The following BCAN variants were observed in gnomAD, a reference collection of about 807,000 sequenced individuals.
BCAN encodes the protein brevican core protein.
BCAN carries 51 observed loss-of-function variants against 92.4 expected under a neutral mutation model. That is an observed-to-expected ratio of 0.55 (90% confidence interval 0.44 to 0.70). The LOEUF is 0.70. Among genes scored for constraint, BCAN ranks in the 30% least tolerant of loss-of-function variants. The pLI is 0.00. For missense variants in BCAN, 1,140 were observed against 1,212.1 expected, an observed-to-expected ratio of 0.94 and a Z score of 0.88; for synonymous variants, 501 against 505.2, an observed-to-expected ratio of 0.99 and a Z score of 0.11.
In BCAN at chr1:156,648,761, C is replaced by T. The variant is rs1309575916; in HGVS notation, c.963C>T (p.Arg321=). ...VRYPIVTPSQ[R]CGGGLPGVKT... is the part of the protein sequence containing the mutation. ...ACCCCATCGTCACACCCAGCCAGCG[C>T]TGTGGTGGGGGCTTGCCTGGTGTCA... Residue 321 remains arginine, a synonymous_variant, in exon 6 of 14, where the codon CGC becomes CGT. Coordinates refer to ENST00000329117, the MANE Select transcript of BCAN (RefSeq NM_021948.5). 4.3e-6 allele frequency: 7 copies of T among 1,611,718 alleles called. No homozygotes were observed. The East Asian group carries it at 1.6e-4, about 36-fold the overall frequency.
intron 1 of BCAN, among the ~76,000 whole-genome samples, chr1:156,645,183 A>T (rs1217810071): frequency 6.6e-6 from 1 of 151,682 alleles, no homozygotes; most frequent in Non-Finnish European, 1.5e-5. Flanking sequence ...CCCCCCCCTT[A>T]GTCCACCCTC....
At position 156,646,106 on chromosome 1, in the gene BCAN, C is replaced by T. The variant is rs749562038; in HGVS notation, c.52C>T (p.Pro18Ser). Residue 18 changes from proline to serine, a missense_variant, in exon 2 of 14, where the codon CCT (proline) becomes TCT (serine). Around this residue, in one of 3 missense-constraint regions of BCAN, gnomAD observed 286 missense variants for 284.1 expected, o/e 1.01. Coordinates refer to ENST00000329117, the MANE Select transcript of BCAN (RefSeq NM_021948.5). Reference sequence around the variant, plus strand: ...GGCAGCCCTGGTCCTGGCCCAGGCTCCTGCAGCTTTAGCAGATGTTCTGGA... The same window carrying T: ...GGCAGCCCTGGTCCTGGCCCAGGCTTCTGCAGCTTTAGCAGATGTTCTGGA... ...LLAALVLAQAPAALADVLEGD... is the reference protein window; with the variant it reads ...LLAALVLAQASAALADVLEGD... 1.2e-6 allele frequency: 2 copies of T among 1,613,922 alleles called. No individual in the cohort carries two copies. Among genetic ancestry groups the T allele is most frequent in the Non-Finnish European group, 1.7e-6 (2 of 1,179,838 alleles).
chr1:156,658,190 G>C lies in BCAN; in HGVS notation c.2356G>C (p.Val786Leu). 1 of 1,614,054 alleles carries C rather than the reference G, an allele frequency of 6.2e-7. No individual in the cohort carries two copies. The highest frequency in any genetic ancestry group is 2.2e-5 in the East Asian group (1 of 44,870). ...SYFLSGENCV[V>L]MVWHDQGQWS... ...CTTCCTGTCTGGAGAGAACTGCGTG[G>C]TCATGGTGTGGCATGATCAGGGACA... Residue 786 changes from valine (V) to leucine (L), a missense_variant, in exon 12 of 14, where the codon GTC becomes CTC. Physicochemically the swap from Val to Leu is conservative, Grantham distance 32. Around this residue, in one of 3 missense-constraint regions of BCAN, gnomAD observed 825 missense variants for 871.8 expected, o/e 0.95. Coordinates refer to ENST00000329117, the MANE Select transcript of BCAN (RefSeq NM_021948.5). The surrounding 1 kb of genome is among the most constrained non-coding windows in gnomAD (Gnocchi z 4.4).
At position 156,646,050 on chromosome 1, in the gene BCAN, G is replaced by C; in HGVS notation, c.-5G>C. On this transcript the variant is annotated 5_prime_UTR_variant, in exon 2 of 14. Coordinates refer to ENST00000329117, the MANE Select transcript of BCAN (RefSeq NM_021948.5). ...CCTTCTCATGTCCCTCTGTCAGCCT[G>C]CAGCATGGCCCAGCTGTTCCTGCCC... 1.2e-6 allele frequency: 2 copies of C among 1,610,682 alleles called. No homozygotes were observed. Among genetic ancestry groups the C allele is most frequent in the Non-Finnish European group, 1.7e-6 (2 of 1,177,304 alleles).
rs746779497 is a variant in BCAN at position 156,647,707 on chromosome 1, CTTCT to C, written c.641+26_641+29del. The stretch of plus-strand genomic sequence containing the variant: ...GGTGGGCAGGGGCTGTGGATTGGGG[CTTCT>C]ATTGGCCCCTGAGGTGGCCATGGCC... On this transcript the variant is annotated intron_variant, in intron 4 of 13. Coordinates refer to ENST00000329117, the MANE Select transcript of BCAN (RefSeq NM_021948.5). This position sits in a 1 kb window ranked among gnomAD's most constrained non-coding sequence, Gnocchi z 4.8. 8.3e-6 allele frequency: 13 copies of C among 1,564,540 alleles called. No homozygotes were observed.
intron 10 of BCAN, 49 bp downstream of exon 10, chr1:156,657,145 C>G (rs1418745638): frequency 3.8e-6 from 6 of 1,591,472 alleles, no homozygotes; most frequent in East Asian, 4.5e-5. Context: ...TGCTCTCACT[C>G]TCTCTCACTC....
Position 156,647,667 on chromosome 1 carries a change from C to T in BCAN, c.626C>T (p.Ser209Leu), listed in dbSNP as rs377328649. 7 of 1,593,702 alleles carry T rather than the reference C, an allele frequency of 4.4e-6. No individual in the cohort carries two copies. The highest frequency in any genetic ancestry group is 1.7e-4 in the Middle Eastern group (1 of 5,966). The change falls in exon 4 of 14, where the codon TCG becomes TTG. Residue 209 changes from serine to leucine, a missense_variant. Physicochemically the swap from Ser to Leu is moderately radical, Grantham distance 145 (BLOSUM62 -2). Around this residue, in one of 3 missense-constraint regions of BCAN, gnomAD observed 29 missense variants for 56.2 expected, o/e 0.52. Transcript: ENST00000329117. This position sits in a 1 kb window ranked among gnomAD's most constrained non-coding sequence, Gnocchi z 4.8. ...GYEQCDAGWLSDQTVRYPIQT... is the reference protein window; with the variant it reads ...GYEQCDAGWLLDQTVRYPIQT... ...GAGCAATGTGATGCTGGCTGGCTGT[C>T]GGATCAGACCGTGAGGTGGGCAGGG...
rs746606462 is a variant in BCAN at position 156,652,819 on chromosome 1, C to G, written c.1869C>G (p.Thr623=). 6.2e-7 allele frequency: 1 copy of G among 1,613,872 alleles called. No individual in the cohort carries two copies. The highest frequency in any genetic ancestry group is 8.5e-7 in the Non-Finnish European group (1 of 1,179,934). Reference sequence around the variant, plus strand: ...CTGGAAGAACTGCCCCAGCAGGGACCTCAGTGCAGGCCCAGCCAGTGCTGC... The same window carrying G: ...CTGGAAGAACTGCCCCAGCAGGGACGTCAGTGCAGGCCCAGCCAGTGCTGC... ...DNSGRTAPAG[T]SVQAQPVLPT... is the part of the protein sequence containing the mutation. Residue 623 remains threonine, a synonymous_variant, in exon 8 of 14, where the codon ACC becomes ACG. Coordinates refer to ENST00000329117, the MANE Select transcript of BCAN (RefSeq NM_021948.5).
chr1:156,655,865 C>G (rs1679305966), intron 8 of BCAN, among the ~76,000 whole-genome samples: 1 of 152,228 alleles, frequency 6.6e-6, no homozygotes, highest in South Asian at 2.1e-4. Context: ...GGGGGTGTGG[C>G]ACTAAACTCC....
chr1:156,656,318 C>T lies in BCAN; in HGVS notation c.1979C>T (p.Thr660Ile). 1 of 1,447,570 alleles carries T rather than the reference C, an allele frequency of 6.9e-7. No homozygotes were observed. Among genetic ancestry groups the T allele is most frequent in the Non-Finnish European group, 9.0e-7 (1 of 1,107,068 alleles). The allele number at this position is 1,447,570 out of a possible 1,614,324, so 89.7% of individuals were successfully genotyped here. ...CCCAGCCCCTGCCACAATGGTGGGA[C>T]ATGCTTGGAGGAGGAGGAAGGGGTC... ...CVPSPCHNGG[T>I]CLEEEEGVRC... The change falls in exon 9 of 14, where the codon ACA becomes ATA. Residue 660 changes from threonine to isoleucine, a missense_variant. This residue lies in a region of BCAN where 825 missense variants were observed against 871.8 expected (regional missense o/e 0.95). Coordinates refer to ENST00000329117, the MANE Select transcript of BCAN (RefSeq NM_021948.5).
Position 156,658,443 on chromosome 1 carries a change from T to G in BCAN, c.2438-100T>G. ...TGGGTCCACTCGGAATCCCTGATCT[T>G]TTTTTGTCATGTTGTGGCCCATTTT... On this transcript the variant is annotated intron_variant, in intron 12 of 13. Transcript: ENST00000329117. The surrounding 1 kb of genome is among the most constrained non-coding windows in gnomAD (Gnocchi z 4.4). 1 of 1,492,114 alleles carries G rather than the reference T, an allele frequency of 6.7e-7. No individual in the cohort carries two copies. Among genetic ancestry groups the G allele is most frequent in the Non-Finnish European group, 9.0e-7 (1 of 1,109,536 alleles). 92.4% of individuals were successfully genotyped at this position (1,492,114 alleles called of 1,614,324 possible).
At chr1:156,649,002 A>G in intron 6 of BCAN, 141 bp downstream of exon 6, 2 of 1,041,774 alleles carry the variant, frequency 1.9e-6, no homozygotes, top group Admixed American at 2.8e-5. Flanking sequence ...CCAGCTTGTC[A>G]TCTAGGGTTC....
chr1:156,650,698 C>G (rs147683168), intron 6 of BCAN, among the ~76,000 whole-genome samples: 6,636 of 152,216 alleles, frequency 0.044, 513 homozygotes, highest in African/African-American at 0.15. Context: ...TGCCTGTAAT[C>G]CCAGCACTTT....
At chr1:156,655,277 A>T (rs1374538699) in intron 8 of BCAN, among the ~76,000 whole-genome samples, 1 of 152,232 alleles carries the variant, frequency 6.6e-6, no homozygotes, top group Non-Finnish European at 1.5e-5. Flanking sequence ...GGATACAGAG[A>T]GAAAAAGTCC....
intron 6 of BCAN, among the ~76,000 whole-genome samples, chr1:156,649,420 T>G (rs1679089602): frequency 6.6e-6 from 1 of 152,254 alleles, no homozygotes; most frequent in Admixed American, 6.5e-5. Context: ...TTTCTTTTTT[T>G]GAGACAGGGT....
Position 156,658,488 on chromosome 1 carries a change from C to A in BCAN, c.2438-55C>A. ...CATTTTTCTCTTCCCCATGGAGATT[C>A]TGGGAACTGTCACCCACAGAGCCAG... On this transcript the variant is annotated intron_variant, in intron 12 of 13. Transcript: ENST00000329117. The surrounding 1 kb of genome is among the most constrained non-coding windows in gnomAD (Gnocchi z 4.4). 6.4e-7 allele frequency: 1 copy of A among 1,572,086 alleles called. No individual in the cohort carries two copies.
intron 2 of BCAN, chr1:156,646,552 G>T (rs1485659816): frequency 1.6e-6 from 1 of 607,596 alleles, no homozygotes. Flanking sequence ...TGAGAGCAGG[G>T]CAAGGAATCC....
chr1:156,657,822 A>T (rs1265784117), intron 11 of BCAN, 65 bp downstream of exon 11: 1 of 1,296,108 alleles, frequency 7.7e-7, no homozygotes, highest in African/African-American at 1.6e-5. Flanking sequence ...GTTCCCTACC[A>T]CCCCCACCCC....
chr1:156,646,844 G>A lies in BCAN; in HGVS notation c.135G>A (p.Leu45=), dbSNP rs140360497. ...TGCGCATCGCGGGCGACGCGCCACT[G>A]CAGGGCGTGCTCGGCGGCGCCCTCA... is the stretch of plus-strand genomic sequence containing the variant. ...FRVRIAGDAP[L]QGVLGGALTI... is the part of the protein sequence containing the mutation. The change falls in exon 3 of 14, where the codon CTG becomes CTA. Residue 45 remains leucine, a synonymous_variant. Coordinates refer to ENST00000329117, the MANE Select transcript of BCAN (RefSeq NM_021948.5). The A allele has an allele frequency of 2.6e-4, 412 of 1,602,036 alleles. 3 individuals carry two copies. Among genetic ancestry groups the A allele is most frequent in the Middle Eastern group, 1.7e-4 (1 of 5,944 alleles).
Sources: allele counts gnomAD v4.1 joint callset (sites outside exome capture counted in the v4.1 genomes callset), GRCh38; gene constraint gnomAD v4.1.1; regional missense constraint gnomAD v4.1.1; non-coding constraint Gnocchi (gnomAD v3.1); transcripts MANE v1.5; gene names NCBI Gene and HGNC (gene_info 2026-07-23, HGNC 2026-07-21).